PPP1R1C: variants seen among roughly 807,000 people sequenced by gnomAD.
PPP1R1C encodes the protein protein phosphatase 1 regulatory subunit 1C.
PPP1R1C carries 15 observed loss-of-function variants against 17.4 expected under a neutral mutation model. The ratio of observed to expected loss-of-function variants is 0.86; its 90% CI spans 0.58 to 1.33. PPP1R1C has a LOEUF of 1.33. Among genes scored for constraint, PPP1R1C ranks in the 40% most tolerant of loss-of-function variants. PPP1R1C has a pLI of 0.00. For missense variants in PPP1R1C, 143 were observed against 130.0 expected (o/e 1.10, Z -0.48); for synonymous variants, 35 against 43.1 (o/e 0.81, Z 0.73).
intron 2 of PPP1R1C, among the ~76,000 whole-genome samples, chr2:182,055,113 T>C (rs540928142): frequency 1.3e-5 from 2 of 152,302 alleles, no homozygotes; most frequent in Admixed American, 1.3e-4. Flanking sequence ...ACTTGAACAT[T>C]TTTATAATTC....
intron 2 of PPP1R1C, among the ~76,000 whole-genome samples, chr2:182,049,961 T>C (rs1190550378): frequency 6.6e-6 from 1 of 152,236 alleles, no homozygotes; most frequent in Non-Finnish European, 1.5e-5. Context: ...AAATATCTTG[T>C]GGATTTTCTG....
chr2:182,031,296 A>G (rs1686827826), intron 2 of PPP1R1C, among the ~76,000 whole-genome samples: 1 of 152,230 alleles, frequency 6.6e-6, no homozygotes, highest in Non-Finnish European at 1.5e-5. Context: ...GATTCACCTG[A>G]TAATGATGAT....
At chr2:182,043,055 T>A (rs7595454) in intron 2 of PPP1R1C, among the ~76,000 whole-genome samples, 2,463 of 152,262 alleles carry the variant, frequency 0.016, 72 homozygotes, top group African/African-American at 0.057. Context: ...GAAAAATTTT[T>A]AAAAAATTGA....
intron 4 of PPP1R1C, among the ~76,000 whole-genome samples, chr2:182,111,038 A>T (rs910852125): frequency 5.9e-5 from 9 of 152,044 alleles, no homozygotes; most frequent in African/African-American, 1.9e-4. Context: ...AAAGAGAGAG[A>T]GAGATGATAA....
At chr2:182,048,218 G>T (rs1165480229) in intron 2 of PPP1R1C, among the ~76,000 whole-genome samples, 1 of 151,892 alleles carries the variant, frequency 6.6e-6, no homozygotes, top group Non-Finnish European at 1.5e-5. Flanking sequence ...TTATTATTCT[G>T]GTGGTTTCAG....
intron 2 of PPP1R1C, among the ~76,000 whole-genome samples, chr2:182,033,387 G>A (rs1043439668): frequency 5.9e-5 from 9 of 152,216 alleles, no homozygotes; most frequent in Non-Finnish European, 1.2e-4. Context: ...ATCTTTAGAC[G>A]TCCATGTTTA....
At chr2:181,969,446 G>C (rs1684963918) in intron 1 of PPP1R1C, among the ~76,000 whole-genome samples, 3 of 152,058 alleles carry the variant, frequency 2.0e-5, no homozygotes. Flanking sequence ...ATGCCTGTAT[G>C]ATTTCCATTG....
intron 2 of PPP1R1C, among the ~76,000 whole-genome samples, chr2:182,016,770 G>T (rs879463227): frequency 6.6e-6 from 1 of 152,020 alleles, no homozygotes; most frequent in Non-Finnish European, 1.5e-5. Flanking sequence ...ATCTAATTTT[G>T]TCCTTGTTTC....
intron 1 of PPP1R1C, among the ~76,000 whole-genome samples, chr2:181,955,734 C>A (rs779542210): frequency 9.2e-5 from 14 of 152,120 alleles, no homozygotes; most frequent in Non-Finnish European, 1.9e-4. Flanking sequence ...TATACACTAT[C>A]TTTTTCATAA....
chr2:182,017,095 G>A (rs1686283279), intron 2 of PPP1R1C, among the ~76,000 whole-genome samples: 1 of 152,106 alleles, frequency 6.6e-6, no homozygotes, highest in South Asian at 2.1e-4. Context: ...AGGCCAACAG[G>A]CTTTATAAGT....
intron 2 of PPP1R1C, among the ~76,000 whole-genome samples, chr2:182,019,530 T>A (rs1686354896): frequency 6.6e-6 from 1 of 152,220 alleles, no homozygotes; most frequent in Non-Finnish European, 1.5e-5. Context: ...TTATTCTTTT[T>A]ATTAACCCTT....
At chr2:182,038,022 A>C (rs977657027) in intron 2 of PPP1R1C, among the ~76,000 whole-genome samples, 2 of 151,946 alleles carry the variant, frequency 1.3e-5, no homozygotes, top group African/African-American at 2.4e-5. Flanking sequence ...ATTTCTATTT[A>C]TATTTATATG....
At chr2:182,054,127 C>T (rs1005415679) in intron 2 of PPP1R1C, among the ~76,000 whole-genome samples, 2 of 152,070 alleles carry the variant, frequency 1.3e-5, no homozygotes, top group Non-Finnish European at 2.9e-5. Flanking sequence ...TTAATTTTCT[C>T]TTAAATTATT....
downstream of PPP1R1C, among the ~76,000 whole-genome samples, chr2:182,120,024 G>C (rs1196946799): frequency 6.6e-6 from 1 of 152,136 alleles, no homozygotes; most frequent in African/African-American, 2.4e-5. Context: ...TTCTTCTAGG[G>C]TTTTTATGGT....
Position 182,016,910 on chromosome 2 carries a change from T to C in PPP1R1C, c.142+29011T>C, listed in dbSNP as rs1176616934. On this transcript the variant is annotated intron_variant, in intron 2 of 4. Transcript: ENST00000682840. ...TTTTTATAGGGTAGGCCCTAAAGTA[T>C]CTAATTTGTGTGATTCATAGCCAAA... 2.0e-5 allele frequency among the ~76,000 whole-genome samples: 3 copies of C among 152,356 alleles called. No homozygotes were observed. In the East Asian group the frequency reaches 5.8e-4, roughly 29 times the overall value.
chr2:182,076,604 A>C (rs2125209384), intron 4 of PPP1R1C, among the ~76,000 whole-genome samples: 1 of 151,218 alleles, frequency 6.6e-6, no homozygotes, highest in Admixed American at 6.6e-5. Flanking sequence ...GTCAATCAGA[A>C]CCCCCCCACC....
chr2:181,962,009 G>C lies in PPP1R1C; in HGVS notation n.111+7375G>C. The C allele has an allele frequency of 1.4e-6, 1 of 731,380 alleles. No homozygotes were observed. Among genetic ancestry groups the C allele is most frequent in the Non-Finnish European group, 2.5e-6 (1 of 395,674 alleles). 45.3% of individuals were successfully genotyped at this position (731,380 alleles called of 1,614,324 possible). On this transcript the variant is annotated intron_variant and non_coding_transcript_variant, in intron 1 of 5. Transcript: ENST00000464264. The surrounding 1 kb of genome is among the most constrained non-coding windows in gnomAD (Gnocchi z 6.0). ...TCTAAAGTCATCGGCTGCAAGACAGGCATTGTCAATCTGCAAAACGATGCC... is the reference window on the plus strand; with the variant it reads ...TCTAAAGTCATCGGCTGCAAGACAGCCATTGTCAATCTGCAAAACGATGCC...
At chr2:182,093,856 C>G (rs1333362265) in intron 4 of PPP1R1C, among the ~76,000 whole-genome samples, 3 of 152,202 alleles carry the variant, frequency 2.0e-5, no homozygotes, top group Non-Finnish European at 4.4e-5. Flanking sequence ...ATTCAACAAG[C>G]CTCTAGGAAG....
chr2:182,086,106 A>C (rs141777378), intron 4 of PPP1R1C, among the ~76,000 whole-genome samples: 6 of 152,158 alleles, frequency 3.9e-5, no homozygotes, highest in Admixed American at 3.9e-4. Flanking sequence ...GATTATAGAT[A>C]CCAAGAGGAA....
Sources: gnomAD v4.1 joint callset for allele counts (sites outside exome capture counted in the v4.1 genomes callset) on GRCh38, gnomAD v4.1.1 for gene constraint, Gnocchi (gnomAD v3.1) non-coding constraint, MANE v1.5 for transcripts, NCBI Gene and HGNC (gene_info 2026-07-23, HGNC 2026-07-21) for gene names.